The following CDK19 variants were observed in gnomAD, a reference collection of about 807,000 sequenced individuals.
CDK19 encodes cyclin dependent kinase 19, also known as cyclin-dependent kinase 19.
A neutral mutation model predicts 68.3 loss-of-function variants in CDK19; 20 were observed. That is an observed-to-expected ratio of 0.29 (90% CI 0.21 to 0.43). The LOEUF is 0.43. Among genes scored for constraint, CDK19 ranks in the 20% least tolerant of loss-of-function variants. CDK19 has a pLI of 1.00. For missense variants in CDK19, 339 were observed against 623.5 expected, an observed-to-expected ratio of 0.54 and a Z score of 4.86; for synonymous variants, 221 against 222.8, an observed-to-expected ratio of 0.99 and a Z score of 0.07.
At chr6:110,803,414 TAA>T (rs964402335) in intron 1 of CDK19, among the ~76,000 whole-genome samples, 1 of 147,282 alleles carries the variant, frequency 6.8e-6, no homozygotes, top group African/African-American at 2.5e-5. Flanking sequence ...ACAACTATAC[TAA>T]GTTTTTTTAC....
intron 4 of CDK19, among the ~76,000 whole-genome samples, chr6:110,666,635 T>C (rs1342558827): frequency 1.3e-5 from 2 of 152,014 alleles, no homozygotes; most frequent in African/African-American, 4.8e-5. Context: ...CATCAGTTAA[T>C]AAAATGGAAT....
At chr6:110,802,737 A>G (rs1782426635) in intron 1 of CDK19, among the ~76,000 whole-genome samples, 1 of 152,234 alleles carries the variant, frequency 6.6e-6, no homozygotes, top group Non-Finnish European at 1.5e-5. Flanking sequence ...TAGTATCTAA[A>G]TTGACACATA....
chr6:110,662,937 T>C (rs1295149678), intron 4 of CDK19, among the ~76,000 whole-genome samples: 2 of 152,190 alleles, frequency 1.3e-5, no homozygotes, highest in Non-Finnish European at 2.9e-5. Flanking sequence ...ATTCTCTATT[T>C]CTGTATTAAA....
Position 110,740,266 on chromosome 6 carries a change from G to A in CDK19, c.204+5860C>T, listed in dbSNP as rs1427764162. Among the ~76,000 whole-genome samples, 9 of 152,052 alleles carry A rather than the reference G, an allele frequency of 5.9e-5. No homozygotes were observed. The East Asian group carries it at 1.5e-3, about 26-fold the overall frequency. ...TGGTTGAATTAATAGCATTTACCACGTTTTCAACCTACCAACCTTAAGATC... is the reference window on the plus strand; with the variant it reads ...TGGTTGAATTAATAGCATTTACCACATTTTCAACCTACCAACCTTAAGATC... On this transcript the variant is annotated intron_variant, in intron 2 of 12. Coordinates refer to ENST00000368911, the MANE Select transcript of CDK19 (RefSeq NM_015076.5).
chr6:110,716,847 A>C, intron 2 of CDK19, among the ~76,000 whole-genome samples: 1 of 152,178 alleles, frequency 6.6e-6, no homozygotes, highest in Non-Finnish European at 1.5e-5. Flanking sequence ...TAATAAATAG[A>C]ATGTGGCAGG....
At position 110,815,308 on chromosome 6, in the gene CDK19, G is replaced by A. The variant is rs1004921786; in HGVS notation, c.-172C>T. ...TCCGCCTTCAGCAAGGGACTCCTCGGCGGCCACAGCAGCCACCTCCTCCAC... is the reference window on the plus strand; with the variant it reads ...TCCGCCTTCAGCAAGGGACTCCTCGACGGCCACAGCAGCCACCTCCTCCAC... On this transcript the variant is annotated 5_prime_UTR_variant, in exon 1 of 13. Coordinates refer to ENST00000368911, the MANE Select transcript of CDK19 (RefSeq NM_015076.5). 12 of 643,052 alleles carry A rather than the reference G, an allele frequency of 1.9e-5. No homozygotes were observed. Among genetic ancestry groups the A allele is most frequent in the Admixed American group, 4.5e-5 (1 of 22,236 alleles). The allele number at this position is 643,052 out of a possible 1,614,324, so 39.8% of individuals were successfully genotyped here. A position where few individuals can be genotyped will look rare whatever the true frequency, so the allele number is the denominator to read the frequency against.
At chr6:110,668,561 G>A (rs569447415) in intron 3 of CDK19, among the ~76,000 whole-genome samples, 1 of 152,138 alleles carries the variant, frequency 6.6e-6, no homozygotes, top group Non-Finnish European at 1.5e-5. Context: ...GGCTGGGTGT[G>A]GTGGCTCACA....
intron 2 of CDK19, among the ~76,000 whole-genome samples, chr6:110,702,419 C>A (rs1298873452): frequency 6.6e-6 from 1 of 151,028 alleles, no homozygotes; most frequent in East Asian, 2.0e-4. Flanking sequence ...TGCACTGCAG[C>A]CCGGGCAACA....
At chr6:110,694,038 A>G (rs1773262788) in intron 2 of CDK19, among the ~76,000 whole-genome samples, 1 of 151,940 alleles carries the variant, frequency 6.6e-6, no homozygotes, top group Non-Finnish European at 1.5e-5. Flanking sequence ...TCCTCATAGC[A>G]TAAATCTCAC....
chr6:110,688,204 G>A (rs1772657625), intron 2 of CDK19, among the ~76,000 whole-genome samples: 1 of 151,956 alleles, frequency 6.6e-6, no homozygotes, highest in Admixed American at 6.6e-5. Flanking sequence ...TGGCTAACAT[G>A]GCGAAACCTC....
At position 110,667,580 on chromosome 6, in the gene CDK19, A is replaced by C. The variant is rs1486963780; in HGVS notation, c.316-6T>G. On this transcript the variant is annotated splice_polypyrimidine_tract_variant and splice_region_variant and intron_variant, in intron 3 of 12. Coordinates refer to ENST00000368911, the MANE Select transcript of CDK19 (RefSeq NM_015076.5). ...CGGTGAAACTTAATAATATGCTAAA[A>C]ATTAAAAAAAAACATAATAATATAG... 1 of 1,453,916 alleles carries C rather than the reference A, an allele frequency of 6.9e-7. No homozygotes were observed. The highest frequency in any genetic ancestry group is 9.4e-7 in the Non-Finnish European group (1 of 1,068,638). The allele number at this position is 1,453,916 out of a possible 1,614,324, so 90.1% of individuals were successfully genotyped here.
intron 2 of CDK19, among the ~76,000 whole-genome samples, chr6:110,740,316 T>C (rs1330447791): frequency 6.6e-6 from 1 of 152,190 alleles, no homozygotes; most frequent in Non-Finnish European, 1.5e-5. Context: ...TGTAATAGAC[T>C]TCATATTAGA....
At chr6:110,636,385 G>C (rs1312804142) in intron 5 of CDK19, among the ~76,000 whole-genome samples, 1 of 152,176 alleles carries the variant, frequency 6.6e-6, no homozygotes, top group Non-Finnish European at 1.5e-5. Context: ...CATGTCCTAA[G>C]CCAGTGCCTT....
chr6:110,643,950 T>C (rs1780368458), intron 4 of CDK19, among the ~76,000 whole-genome samples: 1 of 151,836 alleles, frequency 6.6e-6, no homozygotes, highest in Non-Finnish European at 1.5e-5. Context: ...TAATTAAAAA[T>C]TAAGTTAATT....
intron 4 of CDK19, among the ~76,000 whole-genome samples, chr6:110,648,876 C>A (rs1342233866): frequency 6.6e-6 from 1 of 152,030 alleles, no homozygotes; most frequent in African/African-American, 2.4e-5. Context: ...CGCCGCCATA[C>A]CCGGCTCATT....
chr6:110,687,398 A>G (rs1226357619), intron 2 of CDK19, among the ~76,000 whole-genome samples: 1 of 152,236 alleles, frequency 6.6e-6, no homozygotes, highest in Non-Finnish European at 1.5e-5. Context: ...AGATAAACAC[A>G]GTGAAGTCAA....
At chr6:110,769,152 CAAAAAAAAAA>C (rs536664282) in intron 1 of CDK19, among the ~76,000 whole-genome samples, 1 of 50,558 alleles carries the variant, frequency 2.0e-5, no homozygotes, top group Non-Finnish European at 3.7e-5. Flanking sequence ...GACTCTGTCT[CAAAAAAAAAA>C]AAAAAAAAAA....
intron 2 of CDK19, among the ~76,000 whole-genome samples, chr6:110,742,471 A>G (rs1311407528): frequency 6.6e-6 from 1 of 152,200 alleles, no homozygotes; most frequent in African/African-American, 2.4e-5. Flanking sequence ...TTTTCAGGGA[A>G]CAAGGGAAGA....
At chr6:110,675,719 G>A (rs1034561048) in intron 2 of CDK19, among the ~76,000 whole-genome samples, 1 of 150,926 alleles carries the variant, frequency 6.6e-6, no homozygotes, top group African/African-American at 2.4e-5. Context: ...CAGTGCATCT[G>A]TTGACAGCAT....
Sources: gnomAD v4.1 joint callset for allele counts (sites outside exome capture counted in the v4.1 genomes callset) on GRCh38, gnomAD v4.1.1 for gene constraint, MANE v1.5 for transcripts, NCBI Gene and HGNC (gene_info 2026-07-23, HGNC 2026-07-21) for gene names.